Variants in DNMBP observed in about 807,000 individuals in gnomAD.
DNMBP encodes dynamin binding protein.
A neutral mutation model predicts 150.0 loss-of-function variants in DNMBP; 87 were observed. The ratio of observed to expected loss-of-function variants is 0.58; its 90% CI spans 0.49 to 0.69. The LOEUF (loss-of-function observed/expected upper bound fraction) is 0.69. Among genes scored for constraint, DNMBP ranks in the 30% least tolerant of loss-of-function variants. The probability of loss-of-function intolerance (pLI) is 0.00; values close to 1 mark genes in which losing one functional copy is unlikely to be tolerated. For synonymous variants in DNMBP, 711 were observed against 750.4 expected, an observed-to-expected ratio of 0.95 and a Z score of 0.86; for missense variants, 1,774 against 1,949.0, an observed-to-expected ratio of 0.91 and a Z score of 1.69.
At chr10:99,953,956 T>A (rs1350317003) in intron 4 of DNMBP, among the ~76,000 whole-genome samples, 1 of 152,166 alleles carries the variant, frequency 6.6e-6, no homozygotes, top group African/African-American at 2.4e-5. Flanking sequence ...GGACTTCCCA[T>A]CTGCACCACT....
chr10:99,964,636 C>T (rs112565283), intron 3 of DNMBP, among the ~76,000 whole-genome samples: 7,762 of 151,356 alleles, frequency 0.051, 221 homozygotes, highest in African/African-American at 0.078. Context: ...TTTGGCAGGT[C>T]GAGGCAGGCG....
At chr10:99,889,168 C>T (rs560337226) in intron 11 of DNMBP, 59 of 497,236 alleles carry the variant, frequency 1.2e-4, no homozygotes, top group African/African-American at 1.1e-3. Context: ...CTTAACAAAA[C>T]TGTTGAGGGC....
intron 4 of DNMBP, among the ~76,000 whole-genome samples, chr10:99,915,042 C>T (rs912831332): frequency 4.9e-5 from 7 of 143,926 alleles, no homozygotes; most frequent in Non-Finnish European, 9.0e-5. Context: ...TGCAGTGAGC[C>T]GAGATCGTAC....
chr10:99,955,282 G>A lies in DNMBP; in HGVS notation c.2192C>T (p.Thr731Ile). ...TTCACAGAACTTGAGATCCTCGAGG[G>A]TCTCTGCTCTTGATGATTCATCCTG... is the stretch of plus-strand genomic sequence containing the variant. ...EKQDESSRAE[T>I]LEDLKFCESN... is the part of the protein sequence containing the mutation. Residue 731 changes from threonine (T) to isoleucine (I), a missense_variant, in exon 4 of 17, where the codon ACC becomes ATC. Thr to Ile is a moderately conservative substitution (Grantham distance 89). Transcript: ENST00000324109. 1 of 1,614,012 alleles carries A rather than the reference G, an allele frequency of 6.2e-7. No individual in the cohort carries two copies. Among genetic ancestry groups the A allele is most frequent in the Non-Finnish European group, 8.5e-7 (1 of 1,179,998 alleles).
intron 4 of DNMBP, among the ~76,000 whole-genome samples, chr10:99,913,189 C>G (rs148851309): frequency 2.5e-4 from 38 of 152,170 alleles, no homozygotes; most frequent in Admixed American, 1.6e-3. Flanking sequence ...GCCTTCACCC[C>G]CAGCCAGCTG....
intron 3 of DNMBP, among the ~76,000 whole-genome samples, chr10:99,964,845 T>TG (rs1458500482): frequency 3.4e-5 from 5 of 148,750 alleles, no homozygotes; most frequent in Non-Finnish European, 7.4e-5. Context: ...CACTCCCGCC[T>TG]GGGCGACAGT....
intron 1 of DNMBP, among the ~76,000 whole-genome samples, chr10:99,981,260 C>G (rs1449493311): frequency 6.6e-6 from 1 of 152,190 alleles, no homozygotes; most frequent in African/African-American, 2.4e-5. Context: ...CAGCTCACTG[C>G]AACCTTCACC....
At chr10:99,983,325 A>G (rs759619641) in intron 1 of DNMBP, among the ~76,000 whole-genome samples, 2 of 152,246 alleles carry the variant, frequency 1.3e-5, no homozygotes, top group Non-Finnish European at 2.9e-5. Context: ...CTCATACAAG[A>G]CAACACGAAG....
chr10:99,900,704 C>T (rs1411278922), intron 6 of DNMBP, among the ~76,000 whole-genome samples: 8 of 152,108 alleles, frequency 5.3e-5, no homozygotes, highest in Admixed American at 5.2e-4. Context: ...CATCTCGGCT[C>T]ACTGCAACAT....
chr10:99,953,679 G>A (rs2133325888), intron 4 of DNMBP, among the ~76,000 whole-genome samples: 1 of 152,078 alleles, frequency 6.6e-6, no homozygotes, highest in East Asian at 1.9e-4. Context: ...AATTAGCCAG[G>A]CGTGGTGGCA....
At chr10:99,951,134 A>G (rs1003410337) in intron 4 of DNMBP, among the ~76,000 whole-genome samples, 1 of 152,226 alleles carries the variant, frequency 6.6e-6, no homozygotes, top group African/African-American at 2.4e-5. Flanking sequence ...CCATGGCTTC[A>G]GAGGGTGCAA....
intron 3 of DNMBP, among the ~76,000 whole-genome samples, chr10:99,962,708 G>T (rs1386586103): frequency 6.6e-6 from 1 of 152,176 alleles, no homozygotes; most frequent in Admixed American, 6.5e-5. Context: ...AACACAGAGG[G>T]AATGCACTGG....
In DNMBP at chr10:99,889,880, T is replaced by A. The variant is rs1201746838; in HGVS notation, c.3157-927A>T. 2.5e-4 allele frequency among the ~76,000 whole-genome samples: 38 copies of A among 152,174 alleles called. 1 individual carries two copies. Among genetic ancestry groups the A allele is most frequent in the Admixed American group, 2.5e-3 (38 of 15,272 alleles). ...AATTATCAAATTAGAACCAAGATGA[T>A]TCCTATAGGATTAGGATAATGACCA... is the stretch of plus-strand genomic sequence containing the variant. On this transcript the variant is annotated intron_variant, in intron 11 of 16. Coordinates refer to ENST00000324109, the MANE Select transcript of DNMBP (RefSeq NM_015221.4).
At position 99,896,377 on chromosome 10, in the gene DNMBP, C is replaced by T. The variant is rs777815893; in HGVS notation, c.2941G>A (p.Asp981Asn). 7 of 1,614,060 alleles carry T rather than the reference C, an allele frequency of 4.3e-6. No individual in the cohort carries two copies. The highest frequency in any genetic ancestry group is 1.1e-5 in the South Asian group (1 of 91,088). Reference protein sequence around the residue: ...KDLVLKYRKGDEDSLMEKISK... With the variant: ...KDLVLKYRKGNEDSLMEKISK... Reference sequence around the variant, plus strand: ...ATTTTCTCCATAAGGCTATCTTCATCACCCTTACGGTACTTGAGGACTAGG... The same window carrying T: ...ATTTTCTCCATAAGGCTATCTTCATTACCCTTACGGTACTTGAGGACTAGG... Residue 981 changes from aspartate (D) to asparagine (N), a missense_variant, in exon 10 of 17, where the codon GAT (aspartate) becomes AAT (asparagine). By Grantham distance (23) the Asp-to-Asn change is conservative (BLOSUM62 1). Coordinates refer to ENST00000324109, the MANE Select transcript of DNMBP (RefSeq NM_015221.4).
intron 1 of DNMBP, among the ~76,000 whole-genome samples, chr10:99,973,739 C>T (rs976110591): frequency 5.9e-5 from 9 of 152,120 alleles, no homozygotes; most frequent in Admixed American, 3.3e-4. Context: ...CAGCACTTTG[C>T]GAGGCCAAGG....
chr10:99,913,866 G>T (rs987144531), intron 4 of DNMBP: 5 of 1,249,842 alleles, frequency 4.0e-6, no homozygotes, highest in Non-Finnish European at 5.1e-6. Flanking sequence ...TTGAGCTCCC[G>T]GCCAGATCCC....
chr10:99,952,511 C>T (rs2040436220), intron 4 of DNMBP, among the ~76,000 whole-genome samples: 1 of 152,310 alleles, frequency 6.6e-6, no homozygotes, highest in East Asian at 1.9e-4. Context: ...CTACTTCATG[C>T]TGTAGCTTGA....
intron 4 of DNMBP, among the ~76,000 whole-genome samples, chr10:99,914,976 C>T (rs908346246): frequency 6.0e-5 from 9 of 151,190 alleles, no homozygotes; most frequent in Non-Finnish European, 1.0e-4. Flanking sequence ...CACTTGTAAT[C>T]CCAGCTACTT....
intron 4 of DNMBP, among the ~76,000 whole-genome samples, chr10:99,923,498 C>T (rs2133270285): frequency 6.6e-6 from 1 of 152,182 alleles, no homozygotes; most frequent in South Asian, 2.1e-4. Context: ...ATCTCTGAGG[C>T]TCAGTTCTCA....
Sources: allele counts gnomAD v4.1 joint callset (sites outside exome capture counted in the v4.1 genomes callset), GRCh38; gene constraint gnomAD v4.1.1; transcripts MANE v1.5; gene names NCBI Gene and HGNC (gene_info 2026-07-23, HGNC 2026-07-21).